The following CIBAR1 variants were observed in gnomAD, a reference collection of about 807,000 sequenced individuals.
CIBAR1 encodes CBY1-interacting BAR domain-containing protein 1.
In CIBAR1, 25 loss-of-function variants were observed where a neutral mutation model predicts 44.0. That is an observed-to-expected ratio of 0.57 (90% CI 0.41 to 0.79). CIBAR1 has a LOEUF of 0.79. CIBAR1 is among the 30% of genes least tolerant of loss of function. CIBAR1 has a pLI of 0.00. For synonymous variants in CIBAR1, 115 were observed against 119.0 expected, an observed-to-expected ratio of 0.97 and a Z score of 0.22; for missense variants, 278 against 344.8, an observed-to-expected ratio of 0.81 and a Z score of 1.53.
intron 7 of CIBAR1, among the ~76,000 whole-genome samples, chr8:93,724,264 G>A (rs1227568165): frequency 6.6e-6 from 1 of 152,184 alleles, no homozygotes; most frequent in Non-Finnish European, 1.5e-5. Flanking sequence ...AAAGTAAGCT[G>A]TGAAGGGTAT....
At position 93,710,210 on chromosome 8, in the gene CIBAR1, C is replaced by T. The variant is rs138636302; in HGVS notation, c.543+335C>T. 3.1e-3 allele frequency among the ~76,000 whole-genome samples: 471 copies of T among 151,882 alleles called. 4 individuals are homozygous for T. Among genetic ancestry groups the T allele is most frequent in the African/African-American group, 0.011 (451 of 41,400 alleles). Reference sequence around the variant, plus strand: ...GAGGATCACCTGAGCCTGGGGAGGTCGAGGCAGCAGTGAGCCATGACCGTG... The same window carrying T: ...GAGGATCACCTGAGCCTGGGGAGGTTGAGGCAGCAGTGAGCCATGACCGTG... On this transcript the variant is annotated intron_variant, in intron 6 of 8. Transcript: ENST00000518322.
At position 93,709,951 on chromosome 8, in the gene CIBAR1, C is replaced by T. The variant is rs1235169551; in HGVS notation, c.543+76C>T. 4.2e-6 allele frequency: 5 copies of T among 1,179,712 alleles called. No homozygotes were observed. In the Admixed American group the frequency reaches 1.1e-4, roughly 27 times the overall value. 73.1% of individuals were successfully genotyped at this position (1,179,712 alleles called of 1,614,324 possible). ...ACTTTAATGAAAAATTTAAATTACT[C>T]TAAATTTTTTAGCCCATAATACCCC... is the stretch of plus-strand genomic sequence containing the variant. On this transcript the variant is annotated intron_variant, in intron 6 of 8. Coordinates refer to ENST00000518322, the MANE Select transcript of CIBAR1 (RefSeq NM_145269.5).
chr8:93,709,524 G>C (rs1810736228), intron 5 of CIBAR1, among the ~76,000 whole-genome samples: 1 of 152,136 alleles, frequency 6.6e-6, no homozygotes, highest in African/African-American at 2.4e-5. Flanking sequence ...GAAAGGGAAG[G>C]ATTTGGGGGT....
At chr8:93,727,181 C>G (rs955179042) in intron 8 of CIBAR1, 1 of 1,288,898 alleles carries the variant, frequency 7.8e-7, no homozygotes, top group Non-Finnish European at 1.0e-6. Context: ...GAGCTATGCC[C>G]TTTTCATATC....
chr8:93,705,809 G>C (rs542699264), intron 4 of CIBAR1: 7 of 152,202 alleles, frequency 4.6e-5, no homozygotes, highest in Non-Finnish European at 8.8e-5. Context: ...AATTAGCCAG[G>C]CATGGTAGTA....
chr8:93,708,502 C>T (rs905661027), intron 5 of CIBAR1, among the ~76,000 whole-genome samples: 6 of 151,968 alleles, frequency 3.9e-5, no homozygotes, highest in Non-Finnish European at 8.8e-5. Context: ...GAAAATAGCC[C>T]CATATGGCTA....
At chr8:93,706,094 AG>A (rs1810570414) in intron 4 of CIBAR1, 2 of 152,236 alleles carry the variant, frequency 1.3e-5, no homozygotes, top group Admixed American at 6.5e-5. Context: ...TGGCTCTTTG[AG>A]AGCATTTGAG....
chr8:93,710,162 A>C (rs1318510798), intron 6 of CIBAR1, among the ~76,000 whole-genome samples: 1 of 151,832 alleles, frequency 6.6e-6, no homozygotes, highest in African/African-American at 2.4e-5. Context: ...TTGTAGACCC[A>C]GCTTCTTAGG....
chr8:93,721,243 T>C (rs541891153), intron 7 of CIBAR1: 3 of 152,354 alleles, frequency 2.0e-5, no homozygotes, highest in African/African-American at 7.2e-5. Flanking sequence ...AGTGGCAGCT[T>C]CAAAAGTGAT....
At chr8:93,724,202 G>A (rs1026189828) in intron 7 of CIBAR1, among the ~76,000 whole-genome samples, 6 of 152,218 alleles carry the variant, frequency 3.9e-5, no homozygotes, top group African/African-American at 1.4e-4. Flanking sequence ...CAGCCTAAGT[G>A]ACAGTGGGTC....
At chr8:93,703,746 T>C in intron 3 of CIBAR1, 58 bp downstream of exon 3, 1 of 1,347,364 alleles carries the variant, frequency 7.4e-7, no homozygotes, top group South Asian at 1.4e-5. Context: ...ACTATGAGGT[T>C]TCCAATTGTT....
rs117472415 is a variant in CIBAR1 at position 93,713,400 on chromosome 8, A to G, written c.543+3525A>G. Among the ~76,000 whole-genome samples, 18 of 152,284 alleles carry G rather than the reference A, an allele frequency of 1.2e-4. 1 individual carries two copies. In the East Asian group the frequency reaches 3.5e-3, roughly 29 times the overall value. On this transcript the variant is annotated intron_variant, in intron 6 of 8. Coordinates refer to ENST00000518322, the MANE Select transcript of CIBAR1 (RefSeq NM_145269.5). Reference sequence around the variant, plus strand: ...TGAGAGATTTTTATATATTCTAGATAGAAGTCCCTTATCAGATAATCTGCA... The same window carrying G: ...TGAGAGATTTTTATATATTCTAGATGGAAGTCCCTTATCAGATAATCTGCA...
chr8:93,729,922 C>T lies in CIBAR1; in HGVS notation c.*1625C>T, dbSNP rs1380150916. 6.6e-6 allele frequency: 1 copy of T among 152,178 alleles called. No homozygotes were observed. The highest frequency in any genetic ancestry group is 2.4e-5 in the African/African-American group (1 of 41,452). 9.4% of individuals were successfully genotyped at this position (152,178 alleles called of 1,614,324 possible). ...AATTGAGTATCCTTTATCTGAAGTG[C>T]TTGGGACCAGAAGTATTTAAGACTT... is the stretch of plus-strand genomic sequence containing the variant. On this transcript the variant is annotated 3_prime_UTR_variant, in exon 9 of 9. Coordinates refer to ENST00000518322, the MANE Select transcript of CIBAR1 (RefSeq NM_145269.5).
At chr8:93,705,154 C>A in intron 4 of CIBAR1, 144 bp downstream of exon 4, 1 of 581,796 alleles carries the variant, frequency 1.7e-6, no homozygotes, top group Non-Finnish European at 3.0e-6. Flanking sequence ...TAGGAATTCT[C>A]ACTATAGAAA....
intron 4 of CIBAR1, 136 bp downstream of exon 4, chr8:93,705,146 G>A (rs1047432988): frequency 4.7e-5 from 28 of 599,258 alleles, no homozygotes; most frequent in Admixed American, 9.7e-5. Flanking sequence ...AATGCATTTA[G>A]GAATTCTCAC....
At position 93,701,472 on chromosome 8, in the gene CIBAR1, T is replaced by A; in HGVS notation, c.261+14T>A. ...CGACAAGCAGAGGTATGGAGTGAGA[T>A]CACAGTGTCATTGTTATGAATGAGC... is the stretch of plus-strand genomic sequence containing the variant. On this transcript the variant is annotated intron_variant, in intron 2 of 8. Transcript: ENST00000518322. 6.2e-7 allele frequency: 1 copy of A among 1,604,670 alleles called. No individual in the cohort carries two copies. The highest frequency in any genetic ancestry group is 8.5e-7 in the Non-Finnish European group (1 of 1,173,752).
chr8:93,710,641 C>T (rs1810786019), intron 6 of CIBAR1, among the ~76,000 whole-genome samples: 1 of 151,910 alleles, frequency 6.6e-6, no homozygotes, highest in Non-Finnish European at 1.5e-5. Context: ...TGAGACCAGC[C>T]TGGCCAATGT....
At chr8:93,724,987 T>A (rs1811419044) in intron 7 of CIBAR1, among the ~76,000 whole-genome samples, 1 of 150,978 alleles carries the variant, frequency 6.6e-6, no homozygotes, top group African/African-American at 2.4e-5. Context: ...TCAGAGAAAC[T>A]TTTTTTTTGA....
chr8:93,726,480 A>C lies in CIBAR1; in HGVS notation c.744A>C (p.Ser248=), dbSNP rs1217800466. The C allele has an allele frequency of 6.2e-7, 1 of 1,613,704 alleles. No individual in the cohort carries two copies. The highest frequency in any genetic ancestry group is 8.5e-7 in the Non-Finnish European group (1 of 1,179,710). The change falls in exon 8 of 9, where the codon TCA becomes TCC. Residue 248 remains serine, a synonymous_variant. Transcript: ENST00000518322. ...RANSKSPLQR[S]LSAKCVSGTG... The stretch of plus-strand genomic sequence containing the variant: ...ATTCAAAGTCACCTCTTCAGAGATC[A>C]CTGTCAGCTAAGTGTGTATCTGGAA...
Sources: allele counts gnomAD v4.1 joint callset (sites outside exome capture counted in the v4.1 genomes callset), GRCh38; gene constraint gnomAD v4.1.1; transcripts MANE v1.5; gene names NCBI Gene and HGNC (gene_info 2026-07-23, HGNC 2026-07-21).